XPR1: variants seen among roughly 807,000 people sequenced by gnomAD.
XPR1 encodes solute carrier family 53 member 1.
XPR1 carries 28 observed loss-of-function variants against 87.5 expected under a neutral mutation model. That is an observed-to-expected ratio of 0.32 (90% CI 0.24 to 0.44). XPR1 has a LOEUF of 0.44. XPR1 is among the 20% of genes least tolerant of loss of function. The pLI is 1.00. For synonymous variants in XPR1, 300 were observed against 306.1 expected, an observed-to-expected ratio of 0.98 and a Z score of 0.21; for missense variants, 559 against 862.3, an observed-to-expected ratio of 0.65 and a Z score of 4.41.
intron 11 of XPR1, among the ~76,000 whole-genome samples, chr1:180,855,636 C>T (rs1652001604): frequency 6.7e-6 from 1 of 149,830 alleles, no homozygotes; most frequent in South Asian, 2.1e-4. Flanking sequence ...TGCTCTCCAG[C>T]CTGGCGACAG....
chr1:180,688,836 A>G (rs888688438), intron 2 of XPR1, among the ~76,000 whole-genome samples: 5 of 152,096 alleles, frequency 3.3e-5, no homozygotes, highest in Admixed American at 1.3e-4. Flanking sequence ...TACGTGGGTA[A>G]ATGCTCACAT....
intron 2 of XPR1, among the ~76,000 whole-genome samples, chr1:180,747,863 C>T (rs1647324065): frequency 1.3e-5 from 2 of 152,170 alleles, no homozygotes; most frequent in South Asian, 4.1e-4. Flanking sequence ...GGGACCCCAG[C>T]TCACCAACTG....
Position 180,774,774 on chromosome 1 carries a change from A to G in XPR1, c.122-12979A>G, listed in dbSNP as rs531340530. On this transcript the variant is annotated intron_variant, in intron 2 of 14. Transcript: ENST00000367590. ...TCATAAATGTGTTTTCTCTTTAGCTATATGTCTTAGTCCATCCTTTCTGCT... is the reference window on the plus strand; with the variant it reads ...TCATAAATGTGTTTTCTCTTTAGCTGTATGTCTTAGTCCATCCTTTCTGCT... Among the ~76,000 whole-genome samples, 71 of 152,192 alleles carry G rather than the reference A, an allele frequency of 4.7e-4. 1 individual carries two copies. The highest frequency in any genetic ancestry group is 3.4e-3 in the Middle Eastern group (1 of 294).
At chr1:180,866,420 G>A (rs1446104062) in intron 12 of XPR1, among the ~76,000 whole-genome samples, 1 of 152,078 alleles carries the variant, frequency 6.6e-6, no homozygotes, top group Non-Finnish European at 1.5e-5. Flanking sequence ...CCAGGTCCAG[G>A]AACAATTTTT....
In XPR1 at chr1:180,884,774, C is replaced by A. The variant is rs372069220; in HGVS notation, c.*708C>A. 2 of 152,632 alleles carry A rather than the reference C, an allele frequency of 1.3e-5. No individual in the cohort carries two copies. Among genetic ancestry groups the A allele is most frequent in the East Asian group, 3.8e-4 (2 of 5,202 alleles). The allele number at this position is 152,632 out of a possible 1,614,324, so 9.5% of individuals were successfully genotyped here. A position where few individuals can be genotyped will look rare whatever the true frequency, so the allele number is the denominator to read the frequency against. On this transcript the variant is annotated 3_prime_UTR_variant, in exon 15 of 15. Transcript: ENST00000367590. ...AGTAAAAGAAGGCAGGGGAAACTTA[C>A]GTTGGATGACATTTATGAGGGTCAG...
At chr1:180,836,822 C>T in intron 11 of XPR1, 106 bp downstream of exon 11, 1 of 1,341,700 alleles carries the variant, frequency 7.5e-7, no homozygotes, top group Non-Finnish European at 1.0e-6. Flanking sequence ...TCTTTTTTTT[C>T]CACTGAAATT....
intron 1 of XPR1, among the ~76,000 whole-genome samples, chr1:180,649,725 G>C (rs1170767617): frequency 2.6e-5 from 4 of 152,182 alleles, no homozygotes; most frequent in Non-Finnish European, 5.9e-5. Flanking sequence ...TTCAATCTGT[G>C]TTTCTCATCT....
intron 2 of XPR1, among the ~76,000 whole-genome samples, chr1:180,777,108 G>C (rs1410751039): frequency 3.9e-5 from 6 of 152,132 alleles, no homozygotes; most frequent in Admixed American, 3.3e-4. Flanking sequence ...AGTGTTACTT[G>C]CTCAAGCTAA....
intron 3 of XPR1, among the ~76,000 whole-genome samples, chr1:180,790,914 C>T (rs1416656041): frequency 6.6e-6 from 1 of 152,018 alleles, no homozygotes; most frequent in Non-Finnish European, 1.5e-5. Flanking sequence ...GAAAGGATTT[C>T]AGTGTTCTCA....
rs529566113 is a variant in XPR1 at position 180,727,284 on chromosome 1, C to T, written c.121+44873C>T. Among the ~76,000 whole-genome samples the T allele has an allele frequency of 5.9e-5, 9 of 152,244 alleles. No individual in the cohort carries two copies. The East Asian group carries it at 1.7e-3, about 29-fold the overall frequency. On this transcript the variant is annotated intron_variant, in intron 2 of 14. Coordinates refer to ENST00000367590, the MANE Select transcript of XPR1 (RefSeq NM_004736.4). ...ACCAGAAAGGGGTCCTGATCCAGAC[C>T]TTAAGAGAAGGTTCTTGGATCTTGC...
chr1:180,748,071 A>G (rs1346847461), intron 2 of XPR1, among the ~76,000 whole-genome samples: 1 of 152,236 alleles, frequency 6.6e-6, no homozygotes, highest in Non-Finnish European at 1.5e-5. Flanking sequence ...GGTACCATAC[A>G]CATTTAGAGT....
chr1:180,710,933 A>G (rs1348109388), intron 2 of XPR1, among the ~76,000 whole-genome samples: 1 of 151,516 alleles, frequency 6.6e-6, no homozygotes, highest in Non-Finnish European at 1.5e-5. Context: ...CACTTCCCAG[A>G]CAGGGCGGCT....
At chr1:180,691,912 T>A (rs1419411302) in intron 2 of XPR1, among the ~76,000 whole-genome samples, 1 of 152,164 alleles carries the variant, frequency 6.6e-6, no homozygotes, top group Non-Finnish European at 1.5e-5. Context: ...TTTCTAAAAT[T>A]CATGAAGTAG....
chr1:180,641,461 CTT>C (rs1271375949), intron 1 of XPR1, among the ~76,000 whole-genome samples: 3 of 152,124 alleles, frequency 2.0e-5, no homozygotes, highest in African/African-American at 2.4e-5. Flanking sequence ...ATAAATCACT[CTT>C]AACCTTTTTG....
intron 7 of XPR1, among the ~76,000 whole-genome samples, chr1:180,816,814 A>G (rs976356283): frequency 6.6e-6 from 1 of 152,234 alleles, no homozygotes; most frequent in Non-Finnish European, 1.5e-5. Flanking sequence ...TTACTGATTT[A>G]TGTATATGCT....
At chr1:180,827,095 A>G (rs993069815) in intron 9 of XPR1, among the ~76,000 whole-genome samples, 1 of 144,572 alleles carries the variant, frequency 6.9e-6, no homozygotes, top group African/African-American at 2.6e-5. Context: ...TGGAAGTTGC[A>G]GTGAGCCAAG....
rs139630018 is a variant in XPR1, at chr1:180,682,919, A to G, written c.121+508A>G. On this transcript the variant is annotated intron_variant, in intron 2 of 14. Coordinates refer to ENST00000367590, the MANE Select transcript of XPR1 (RefSeq NM_004736.4). ...GTAAATAGGAGCTAATTCAACAACTATTCTTGAGGGAGAATGTTCCTTCTC... is the reference window on the plus strand; with the variant it reads ...GTAAATAGGAGCTAATTCAACAACTGTTCTTGAGGGAGAATGTTCCTTCTC... Among the ~76,000 whole-genome samples, 442 of 151,930 alleles carry G rather than the reference A, an allele frequency of 2.9e-3. 2 individuals are homozygous for G. The highest frequency in any genetic ancestry group is 7.7e-3 in the South Asian group (37 of 4,810).
intron 2 of XPR1, among the ~76,000 whole-genome samples, chr1:180,752,319 G>A (rs1440179424): frequency 6.6e-6 from 1 of 152,058 alleles, no homozygotes; most frequent in Non-Finnish European, 1.5e-5. Flanking sequence ...ATATTATGTG[G>A]TTAAATTAGT....
chr1:180,862,157 A>T (rs2102205598), intron 11 of XPR1, among the ~76,000 whole-genome samples: 1 of 152,188 alleles, frequency 6.6e-6, no homozygotes, highest in South Asian at 2.1e-4. Flanking sequence ...ATGTTCACAC[A>T]ACACTGAAGC....
Sources: allele counts gnomAD v4.1 joint callset (sites outside exome capture counted in the v4.1 genomes callset), GRCh38; gene constraint gnomAD v4.1.1; transcripts MANE v1.5; gene names NCBI Gene and HGNC (gene_info 2026-07-23, HGNC 2026-07-21).